Variants in MECOM observed in about 807,000 individuals in gnomAD.
MECOM encodes the protein MDS1 and EVI1 complex locus.
In MECOM, 13 loss-of-function variants were observed where a neutral mutation model predicts 116.3. The ratio of observed to expected loss-of-function variants is 0.11; its 90% CI spans 0.07 to 0.18. The LOEUF is 0.18. Ranked by LOEUF, MECOM falls within the 10% of genes least tolerant of loss-of-function variation. MECOM has a pLI of 1.00. For synonymous variants in MECOM, 528 were observed against 535.2 expected, an observed-to-expected ratio of 0.99 and a Z score of 0.19; for missense variants, 1,299 against 1,509.0, an observed-to-expected ratio of 0.86 and a Z score of 2.31.
At chr3:169,186,319 A>AG in intron 2 of MECOM, among the ~76,000 whole-genome samples, 2 of 136,350 alleles carry the variant, frequency 1.5e-5, no homozygotes, top group Non-Finnish European at 3.2e-5. Flanking sequence ...AAAGGAAGGA[A>AG]GAAAGGAAGG....
chr3:169,636,779 T>C (rs1310332338), intron 1 of MECOM, among the ~76,000 whole-genome samples: 1 of 152,172 alleles, frequency 6.6e-6, no homozygotes, highest in East Asian at 1.9e-4. Flanking sequence ...GGGACATCCG[T>C]CCACGAGAAA....
chr3:169,441,582 C>CATGG (rs1743679401), intron 1 of MECOM, among the ~76,000 whole-genome samples: 1 of 152,032 alleles, frequency 6.6e-6, no homozygotes, highest in African/African-American at 2.4e-5. Flanking sequence ...CAGATAACAC[C>CATGG]ATGGTATTAC....
chr3:169,115,128 T>C (rs1728736234), intron 8 of MECOM, among the ~76,000 whole-genome samples: 1 of 152,154 alleles, frequency 6.6e-6, no homozygotes, highest in Non-Finnish European at 1.5e-5. Context: ...AAAAAAGTGT[T>C]TAAAAATAAA....
chr3:169,208,101 T>A (rs1750187931), intron 2 of MECOM, among the ~76,000 whole-genome samples: 1 of 151,942 alleles, frequency 6.6e-6, no homozygotes, highest in Non-Finnish European at 1.5e-5. Flanking sequence ...TTGCCTGCTC[T>A]CACACAGCTG....
rs200462364 is a variant in MECOM, at chr3:169,304,569, T to TA, written c.375+76617dup. On this transcript the variant is annotated intron_variant, in intron 2 of 16. Coordinates refer to ENST00000651503, the MANE Select transcript of MECOM (RefSeq NM_004991.4). ...AAGTTGAAGTGCTTTCCTTATATTT[T>TA]AAAAATAAGTATTACTGAGCTACAC... Among the ~76,000 whole-genome samples, 242 of 152,292 alleles carry TA rather than the reference T, an allele frequency of 1.6e-3. 5 individuals are homozygous for TA. The East Asian group carries it at 0.044, about 28-fold the overall frequency.
At chr3:169,091,820 T>G (rs2148864430) in intron 14 of MECOM, among the ~76,000 whole-genome samples, 1 of 149,330 alleles carries the variant, frequency 6.7e-6, no homozygotes, top group East Asian at 2.0e-4. Context: ...GTTTATTTGA[T>G]GTTTGCCTTG....
intron 1 of MECOM, among the ~76,000 whole-genome samples, chr3:169,493,529 T>A (rs1231743652): frequency 6.6e-6 from 1 of 151,994 alleles, no homozygotes; most frequent in South Asian, 2.1e-4. Flanking sequence ...TATGTATGTA[T>A]GTAAGACATA....
chr3:169,171,592 A>T (rs1185581074), intron 2 of MECOM, among the ~76,000 whole-genome samples: 1 of 152,188 alleles, frequency 6.6e-6, no homozygotes, highest in Non-Finnish European at 1.5e-5. Context: ...TTATCCAAAA[A>T]ATGAAAATAA....
intron 1 of MECOM, among the ~76,000 whole-genome samples, chr3:169,658,741 T>G (rs1190472198): frequency 1.3e-5 from 2 of 152,138 alleles, no homozygotes; most frequent in East Asian, 3.9e-4. Flanking sequence ...GTGGGAGGGC[T>G]CAGCTCTTGG....
chr3:169,116,842 GT>G (rs1321031501), intron 7 of MECOM, 103 bp from the exon 8 acceptor site: 2 of 1,427,224 alleles, frequency 1.4e-6, no homozygotes, highest in African/African-American at 1.4e-5. Flanking sequence ...TAGGAAGCCA[GT>G]AAAAGACATT....
chr3:169,461,543 C>A (rs1224226162), intron 1 of MECOM, among the ~76,000 whole-genome samples: 1 of 152,080 alleles, frequency 6.6e-6, no homozygotes, highest in Non-Finnish European at 1.5e-5. Flanking sequence ...CAATAAATAG[C>A]AATGAAAGAC....
Position 169,574,507 on chromosome 3 carries a change from A to G in MECOM, c.37+88829T>C, listed in dbSNP as rs1576948505. Among the ~76,000 whole-genome samples, 3 of 152,350 alleles carry G rather than the reference A, an allele frequency of 2.0e-5. No homozygotes were observed. The South Asian group carries it at 6.2e-4, about 32-fold the overall frequency. The stretch of plus-strand genomic sequence containing the variant: ...GATGCAAAACAAGGCATTAATTTGG[A>G]GAGGCCTAGCTACTTACAATGCTTA... On this transcript the variant is annotated intron_variant, in intron 1 of 16. Transcript: ENST00000651503.
chr3:169,276,636 C>T (rs1759617201), intron 2 of MECOM, among the ~76,000 whole-genome samples: 1 of 151,796 alleles, frequency 6.6e-6, no homozygotes, highest in Admixed American at 6.6e-5. Context: ...TATGTCTGCT[C>T]CCTCTCCTCA....
chr3:169,588,856 T>G (rs943572423), intron 1 of MECOM, among the ~76,000 whole-genome samples: 8 of 150,334 alleles, frequency 5.3e-5, no homozygotes, highest in African/African-American at 9.8e-5. Flanking sequence ...ATGAATTGGG[T>G]TTTTTTTTAA....
At chr3:169,168,344 T>A (rs575502417) in intron 2 of MECOM, among the ~76,000 whole-genome samples, 2 of 151,546 alleles carry the variant, frequency 1.3e-5, no homozygotes, top group East Asian at 3.9e-4. Context: ...CTGCTTTTTT[T>A]TTTTTTTTTT....
chr3:169,451,253 A>G (rs1047332255), intron 1 of MECOM, among the ~76,000 whole-genome samples: 3 of 50,192 alleles, frequency 6.0e-5, no homozygotes, highest in Non-Finnish European at 1.4e-4. Flanking sequence ...TAAGATGGTG[A>G]AAAAAAAAAA....
intron 1 of MECOM, among the ~76,000 whole-genome samples, chr3:169,559,065 C>A: frequency 6.6e-6 from 1 of 151,880 alleles, no homozygotes; most frequent in East Asian, 1.9e-4. Flanking sequence ...CACACACACA[C>A]ACAAGTATGC....
At chr3:169,628,780 C>A (rs1481291325) in intron 1 of MECOM, among the ~76,000 whole-genome samples, 1 of 152,162 alleles carries the variant, frequency 6.6e-6, no homozygotes, top group East Asian at 1.9e-4. Flanking sequence ...GGGGGAGGAG[C>A]ATTCCCTGTC....
chr3:169,167,793 A>T (rs561438502), intron 2 of MECOM, among the ~76,000 whole-genome samples: 62 of 152,180 alleles, frequency 4.1e-4, no homozygotes, highest in Admixed American at 9.2e-4. Context: ...ACAAACACAC[A>T]CACACAGCTT....
Sources: gnomAD v4.1 joint callset for allele counts (sites outside exome capture counted in the v4.1 genomes callset) on GRCh38, gnomAD v4.1.1 for gene constraint, MANE v1.5 for transcripts, NCBI Gene and HGNC (gene_info 2026-07-23, HGNC 2026-07-21) for gene names.